Variants in PAK5 observed in about 807,000 individuals in gnomAD.
PAK5 encodes the protein p21 (RAC1) activated kinase 5, also known as serine/threonine-protein kinase PAK 5.
In PAK5, 16 loss-of-function variants were observed where a neutral mutation model predicts 65.9. That is an observed-to-expected ratio of 0.24 (90% CI 0.16 to 0.37). PAK5 has a LOEUF of 0.37. Ranked by LOEUF, PAK5 falls within the 10% of genes least tolerant of loss-of-function variation. PAK5 has a pLI of 1.00. For synonymous variants in PAK5, 371 were observed against 354.9 expected, an observed-to-expected ratio of 1.05 and a Z score of -0.51; for missense variants, 785 against 903.9, an observed-to-expected ratio of 0.87 and a Z score of 1.69.
At chr20:9,767,488 T>A (rs1040372176) in intron 1 of PAK5, among the ~76,000 whole-genome samples, 2 of 152,222 alleles carry the variant, frequency 1.3e-5, no homozygotes, top group African/African-American at 4.8e-5. Context: ...TTCTATTATT[T>A]GTCTATGTTT....
chr20:9,763,773 C>G (rs924260608), intron 1 of PAK5, among the ~76,000 whole-genome samples: 5 of 152,130 alleles, frequency 3.3e-5, no homozygotes, highest in African/African-American at 1.2e-4. Context: ...CCCAGACAAC[C>G]TTCACCTAGA....
At chr20:9,834,847 C>T (rs1979016734) in intron 1 of PAK5, among the ~76,000 whole-genome samples, 1 of 152,072 alleles carries the variant, frequency 6.6e-6, no homozygotes. Flanking sequence ...TTCCAGAAGA[C>T]TGAAAGTCTA....
At chr20:9,664,016 T>C (rs551012727) in intron 2 of PAK5, among the ~76,000 whole-genome samples, 1 of 152,226 alleles carries the variant, frequency 6.6e-6, no homozygotes, top group African/African-American at 2.4e-5. Flanking sequence ...AAACATAAAG[T>C]TGATTGAAAG....
intron 1 of PAK5, among the ~76,000 whole-genome samples, chr20:9,739,762 G>A (rs1477806990): frequency 6.6e-6 from 1 of 152,066 alleles, no homozygotes; most frequent in African/African-American, 2.4e-5. Flanking sequence ...GAGGATAGAA[G>A]GGAAGTATGT....
chr20:9,571,908 C>T (rs1474638577), intron 4 of PAK5, among the ~76,000 whole-genome samples: 1 of 126,290 alleles, frequency 7.9e-6, no homozygotes, highest in Non-Finnish European at 1.6e-5. Context: ...CAGGGGCGGG[C>T]AGAGTGGGCA....
chr20:9,567,481 A>G (rs2123007930), intron 4 of PAK5, among the ~76,000 whole-genome samples: 1 of 152,340 alleles, frequency 6.6e-6, no homozygotes, highest in East Asian at 1.9e-4. Context: ...CAGTTTCTCA[A>G]TCACACTAGT....
intron 1 of PAK5, among the ~76,000 whole-genome samples, chr20:9,794,062 C>G (rs534951964): frequency 6.6e-6 from 1 of 151,684 alleles, no homozygotes. Flanking sequence ...TCATTCTCAG[C>G]GAACTAACAC....
intron 9 of PAK5, among the ~76,000 whole-genome samples, chr20:9,540,896 T>C (rs2045251493): frequency 6.6e-6 from 1 of 151,992 alleles, no homozygotes; most frequent in South Asian, 2.1e-4. Flanking sequence ...GCCACCATGC[T>C]TGGCTAATTT....
At chr20:9,542,469 C>T in intron 9 of PAK5, 117 bp downstream of exon 9, 3 of 1,015,506 alleles carry the variant, frequency 3.0e-6, no homozygotes, top group Non-Finnish European at 4.7e-6. Flanking sequence ...TTTCCAAAGT[C>T]CATGCTCATA....
chr20:9,751,387 G>A (rs535061942), intron 1 of PAK5, among the ~76,000 whole-genome samples: 21 of 152,088 alleles, frequency 1.4e-4, no homozygotes, highest in South Asian at 1.0e-3. Flanking sequence ...TCTTTGAAAC[G>A]ACTGGTTTCT....
intron 2 of PAK5, among the ~76,000 whole-genome samples, chr20:9,649,620 G>C (rs555416576): frequency 1.3e-5 from 2 of 152,244 alleles, no homozygotes; most frequent in East Asian, 3.9e-4. Context: ...CCAACATGCA[G>C]GCATCTCCCA....
intron 3 of PAK5, among the ~76,000 whole-genome samples, chr20:9,621,183 A>T (rs918228544): frequency 3.3e-5 from 5 of 152,128 alleles, no homozygotes; most frequent in African/African-American, 1.2e-4. Context: ...TGAGGTTTAG[A>T]CTGACAAGTA....
intron 5 of PAK5, 145 bp from the exon 6 acceptor site, chr20:9,563,169 A>G: frequency 6.7e-6 from 5 of 748,644 alleles, no homozygotes; most frequent in Admixed American, 2.4e-5. Flanking sequence ...ACAGACAAAA[A>G]GCATCAAGGG....
At position 9,680,230 on chromosome 20, in the gene PAK5, A is replaced by T. The variant is rs191337656; in HGVS notation, c.-12+31056T>A. Among the ~76,000 whole-genome samples the T allele has an allele frequency of 2.0e-5, 3 of 152,324 alleles. No homozygotes were observed. In the East Asian group the frequency reaches 5.8e-4, roughly 29 times the overall value. ...TAGTCTCTACCATCAAAATGCTCAC[A>T]AAAGGAGATGGATCACTGTAATTTA... On this transcript the variant is annotated intron_variant, in intron 2 of 9. Transcript: ENST00000353224.
chr20:9,692,798 A>G (rs1370307432), intron 2 of PAK5, among the ~76,000 whole-genome samples: 2 of 151,730 alleles, frequency 1.3e-5, no homozygotes, highest in African/African-American at 2.4e-5. Flanking sequence ...ACCTGGGCCA[A>G]TCAATACCAG....
chr20:9,802,944 T>C (rs2049189479), intron 1 of PAK5, among the ~76,000 whole-genome samples: 1 of 18,652 alleles, frequency 5.4e-5, no homozygotes, highest in African/African-American at 1.7e-4. Context: ...GAATTACTAA[T>C]AGCAAAAACA....
At chr20:9,758,305 A>G (rs1023348432) in intron 1 of PAK5, among the ~76,000 whole-genome samples, 1 of 152,100 alleles carries the variant, frequency 6.6e-6, no homozygotes, top group African/African-American at 2.4e-5. Context: ...AGAATCCAGC[A>G]TTTTACCTCC....
chr20:9,615,834 G>A (rs1170624718), intron 3 of PAK5, among the ~76,000 whole-genome samples: 1 of 152,158 alleles, frequency 6.6e-6, no homozygotes, highest in South Asian at 2.1e-4. Context: ...GCCTGGCAGC[G>A]GATGGTGACT....
intron 2 of PAK5, among the ~76,000 whole-genome samples, chr20:9,695,763 C>G (rs1029541668): frequency 6.6e-6 from 1 of 151,932 alleles, no homozygotes; most frequent in Non-Finnish European, 1.5e-5. Flanking sequence ...AAAGAAAGCA[C>G]AATACCTTCG....
Sources: allele counts gnomAD v4.1 joint callset (sites outside exome capture counted in the v4.1 genomes callset), GRCh38; gene constraint gnomAD v4.1.1; transcripts MANE v1.5; gene names NCBI Gene and HGNC (gene_info 2026-07-23, HGNC 2026-07-21).